GSG1L: variants seen among roughly 807,000 people sequenced by gnomAD.
GSG1L encodes the protein germ cell-specific gene 1-like protein.
Under a neutral mutation model 42.1 loss-of-function variants are expected in GSG1L, and 24 were observed. That is an observed-to-expected ratio of 0.57 (90% confidence interval 0.41 to 0.80). The LOEUF (loss-of-function observed/expected upper bound fraction) is 0.80. GSG1L is among the 30% of genes least tolerant of loss of function. The pLI is 0.00. For missense variants in GSG1L, 445 were observed against 472.2 expected (o/e 0.94, Z 0.53); for synonymous variants, 215 against 203.5 (o/e 1.06, Z -0.48).
chr16:28,046,768 T>G (rs2141190508), intron 1 of GSG1L, among the ~76,000 whole-genome samples: 1 of 152,314 alleles, frequency 6.6e-6, no homozygotes, highest in African/African-American at 2.4e-5. Context: ...AAAGTCGCCC[T>G]GCTCTATCCC....
intron 1 of GSG1L, among the ~76,000 whole-genome samples, chr16:27,970,199 T>TAATGACATCA (rs2085178934): frequency 1.3e-5 from 2 of 152,234 alleles, no homozygotes; most frequent in African/African-American, 4.8e-5. Flanking sequence ...CAGAAAAGTT[T>TAATGACATCA]TTAATTTTAA....
At chr16:27,991,695 G>A (rs745370962) in intron 1 of GSG1L, among the ~76,000 whole-genome samples, 10 of 152,062 alleles carry the variant, frequency 6.6e-5, no homozygotes, top group Admixed American at 2.0e-4. Context: ...ATGAGCCACC[G>A]TGCCTGGCCC....
intron 1 of GSG1L, among the ~76,000 whole-genome samples, chr16:28,060,663 C>G (rs1011880466): frequency 1.1e-4 from 17 of 152,040 alleles, no homozygotes; most frequent in Admixed American, 1.0e-3. Flanking sequence ...CTTTCTGTTC[C>G]CGAGAAGGTA....
At chr16:27,891,550 G>T (rs1201473378) in intron 2 of GSG1L, among the ~76,000 whole-genome samples, 1 of 152,042 alleles carries the variant, frequency 6.6e-6, no homozygotes, top group Non-Finnish European at 1.5e-5. Flanking sequence ...ATGGCTCACT[G>T]CAGCCTTAAC....
intron 1 of GSG1L, among the ~76,000 whole-genome samples, chr16:27,974,139 T>C (rs769853996): frequency 6.6e-6 from 1 of 152,072 alleles, no homozygotes; most frequent in African/African-American, 2.4e-5. Flanking sequence ...TGGAGGGTGA[T>C]GTCTTCCTGC....
chr16:27,838,040 T>C (rs1417249545), intron 4 of GSG1L, among the ~76,000 whole-genome samples: 1 of 152,160 alleles, frequency 6.6e-6, no homozygotes, highest in Non-Finnish European at 1.5e-5. Flanking sequence ...AGGATTGTGG[T>C]TGTATTGAAG....
intron 3 of GSG1L, among the ~76,000 whole-genome samples, chr16:27,859,170 T>TG (rs138101787): frequency 0.018 from 2,729 of 152,200 alleles, 88 homozygotes; most frequent in African/African-American, 0.062. Context: ...TGGAAGTGGA[T>TG]CTGGCTCCGT....
chr16:27,976,567 G>C (rs2141120180), intron 1 of GSG1L, among the ~76,000 whole-genome samples: 1 of 151,536 alleles, frequency 6.6e-6, no homozygotes, highest in South Asian at 2.1e-4. Context: ...AGACAGAAGA[G>C]ACAAACAGAA....
At chr16:28,007,256 G>A (rs1391495748) in intron 1 of GSG1L, among the ~76,000 whole-genome samples, 1 of 152,094 alleles carries the variant, frequency 6.6e-6, no homozygotes, top group African/African-American at 2.4e-5. Flanking sequence ...AGAGAAGCCA[G>A]AGAATCAAAA....
rs148629986 is a variant in GSG1L at position 27,871,367 on chromosome 16, C to T, written c.550+13119G>A. ...GTAAATAAATTAATTTGGGGCCGGG[C>T]GCAGTGGCTCACACCTGTAATCCAA... On this transcript the variant is annotated intron_variant, in intron 3 of 6. Transcript: ENST00000447459. Among the ~76,000 whole-genome samples the T allele has an allele frequency of 1.9e-3, 285 of 152,268 alleles. 3 individuals are homozygous for T. Among genetic ancestry groups the T allele is most frequent in the African/African-American group, 6.2e-3 (256 of 41,548 alleles).
intron 3 of GSG1L, among the ~76,000 whole-genome samples, chr16:27,845,440 T>G (rs940688700): frequency 6.6e-6 from 1 of 152,178 alleles, no homozygotes; most frequent in Non-Finnish European, 1.5e-5. Context: ...CTTGCTATGT[T>G]GCTCAGGCTG....
intron 2 of GSG1L, among the ~76,000 whole-genome samples, chr16:27,892,998 C>A (rs1457608036): frequency 6.6e-6 from 1 of 152,168 alleles, no homozygotes; most frequent in East Asian, 1.9e-4. Flanking sequence ...GAAGTCAGAA[C>A]AGACCAGTCT....
chr16:27,823,803 C>T (rs1172170830), intron 5 of GSG1L: 1 of 699,488 alleles, frequency 1.4e-6, no homozygotes, highest in African/African-American at 1.7e-5. Context: ...GCCTGAGAGG[C>T]CACACAGCAC....
chr16:27,794,215 G>A (rs968107109), intron 6 of GSG1L, among the ~76,000 whole-genome samples: 11 of 152,150 alleles, frequency 7.2e-5, no homozygotes, highest in Admixed American at 3.3e-4. Context: ...ATGGGGTCTC[G>A]CTCTGTTCCA....
intron 6 of GSG1L, among the ~76,000 whole-genome samples, chr16:27,793,439 T>C (rs558245882): frequency 2.6e-5 from 4 of 152,324 alleles, no homozygotes; most frequent in Non-Finnish European, 4.4e-5. Context: ...ATGGAAACCA[T>C]TGCATACTTT....
At chr16:28,061,424 C>G (rs1210162710) in intron 1 of GSG1L, among the ~76,000 whole-genome samples, 1 of 152,176 alleles carries the variant, frequency 6.6e-6, no homozygotes, top group Non-Finnish European at 1.5e-5. Context: ...CACCATGTAT[C>G]TCTGACAAAC....
chr16:27,947,839 G>A (rs1055046625), intron 2 of GSG1L, among the ~76,000 whole-genome samples: 7 of 152,202 alleles, frequency 4.6e-5, no homozygotes, highest in Non-Finnish European at 7.3e-5. Context: ...GTTAAATGGA[G>A]CAAGTGGGAC....
intron 1 of GSG1L, among the ~76,000 whole-genome samples, chr16:27,964,946 C>A (rs147156315): frequency 4.1e-3 from 618 of 152,234 alleles, no homozygotes; most frequent in Non-Finnish European, 6.7e-3. Context: ...GAATTGTTTG[C>A]CTGTGTCAAA....
rs199498046 is a variant in GSG1L at position 27,845,009 on chromosome 16, G to T, written c.603C>A (p.Thr201=). The change falls in exon 4 of 7, where the codon ACC becomes ACA. Residue 201 remains threonine, a synonymous_variant. Coordinates refer to ENST00000447459, the MANE Select transcript of GSG1L (RefSeq NM_001109763.2). The stretch of plus-strand genomic sequence containing the variant: ...TCCAGTCCTCAGGACCGAGGCTCAC[G>T]GTGACCTGGAACACCTGCGTGTACA... The part of the protein sequence containing the change: ...HMMYTQVFQV[T]VSLGPEDWRP... 1.9e-6 allele frequency: 3 copies of T among 1,613,700 alleles called. No homozygotes were observed. Among genetic ancestry groups the T allele is most frequent in the Admixed American group, 1.7e-5 (1 of 59,990 alleles).
Sources: gnomAD v4.1 joint callset for allele counts (sites outside exome capture counted in the v4.1 genomes callset) on GRCh38, gnomAD v4.1.1 for gene constraint, MANE v1.5 for transcripts, NCBI Gene and HGNC (gene_info 2026-07-23, HGNC 2026-07-21) for gene names.